The following TPTE2 variants were observed in gnomAD, a reference collection of about 807,000 sequenced individuals.
The protein encoded by TPTE2 is phosphatidylinositol 3,4,5-trisphosphate 3-phosphatase TPTE2.
TPTE2 carries 53 observed loss-of-function variants against 78.6 expected under a neutral mutation model. The observed-to-expected ratio is 0.67, with a 90% confidence interval of 0.54 to 0.85. The LOEUF (loss-of-function observed/expected upper bound fraction) is 0.85. Among genes scored for constraint, TPTE2 ranks in the 40% least tolerant of loss-of-function variants. The pLI is 0.00. For missense variants in TPTE2, 461 were observed against 623.0 expected (o/e 0.74, Z 2.77); for synonymous variants, 175 against 206.2 (o/e 0.85, Z 1.30).
chr13:19,516,432 T>A (rs2497184), intron 1 of TPTE2, among the ~76,000 whole-genome samples: 28,413 of 152,108 alleles, frequency 0.19, 3,678 homozygotes, highest in African/African-American at 0.36. Flanking sequence ...TTGGGTGTCA[T>A]CTCTAAATAT....
At chr13:19,517,047 G>A (rs1869838249) in intron 1 of TPTE2, among the ~76,000 whole-genome samples, 3 of 152,136 alleles carry the variant, frequency 2.0e-5, no homozygotes, top group African/African-American at 2.4e-5. Context: ...ATCTTTGGAC[G>A]TGAACCAGGG....
At chr13:19,451,676 A>C (rs1237757685) in intron 10 of TPTE2, among the ~76,000 whole-genome samples, 1 of 152,160 alleles carries the variant, frequency 6.6e-6, no homozygotes, top group African/African-American at 2.4e-5. Flanking sequence ...AAAAGTATAT[A>C]GCATGATTGT....
chr13:19,461,510 C>T (rs1034475342), intron 10 of TPTE2, among the ~76,000 whole-genome samples: 3 of 152,058 alleles, frequency 2.0e-5, no homozygotes, highest in Non-Finnish European at 4.4e-5. Flanking sequence ...TACAGAACAC[C>T]AGAACTTTTT....
rs1182015983 is a variant in TPTE2 at position 19,430,486 on chromosome 13, A to G, written c.1284T>C (p.Thr428=). 3.7e-6 allele frequency: 6 copies of G among 1,610,582 alleles called. No homozygotes were observed. The Admixed American group carries it at 1.0e-4, about 27-fold the overall frequency. The change falls in exon 17 of 20, where the codon ACT becomes ACC. Residue 428 remains threonine (T), a synonymous_variant. Transcript: ENST00000400230. ...CTCTTACCGAACAATTTCCTAATGA[A>G]GTACTGGAAAAGACAACCTTTTTCT... is the stretch of plus-strand genomic sequence containing the variant.
At chr13:19,507,304 T>TAAAAAAAA (rs370011146), upstream of TPTE2, among the ~76,000 whole-genome samples, 3 of 112,164 alleles carry the variant, frequency 2.7e-5, no homozygotes, top group South Asian at 3.2e-4. Context: ...CTAGCTGTTC[T>TAAAAAAAA]AAAAAAAAAA....
At chr13:19,553,879 A>T in the TPTE2 span, among the ~76,000 whole-genome samples, 13 of 152,222 alleles carry the variant, frequency 8.5e-5, no homozygotes, top group Admixed American at 6.5e-4. Flanking sequence ...GGATGTATAT[A>T]TTTGTCAAAA....
chr13:19,497,432 C>A (rs1231521198), intron 1 of TPTE2, among the ~76,000 whole-genome samples: 2 of 123,668 alleles, frequency 1.6e-5, no homozygotes, highest in East Asian at 2.4e-4. Flanking sequence ...AGTGGTTCTC[C>A]CAGCACGCAG....
At chr13:19,457,696 G>A (rs1198490741) in intron 10 of TPTE2, among the ~76,000 whole-genome samples, 1 of 152,186 alleles carries the variant, frequency 6.6e-6, no homozygotes, top group Non-Finnish European at 1.5e-5. Context: ...TGGAAAGGAT[G>A]TAATCTTGTT....
chr13:19,473,141 G>A (rs1201971613), intron 6 of TPTE2, among the ~76,000 whole-genome samples: 3 of 152,222 alleles, frequency 2.0e-5, no homozygotes, highest in Admixed American at 2.0e-4. Flanking sequence ...TACTGTGACT[G>A]CATTGGGTCA....
chr13:19,426,426 G>A (rs568086044), exon 18 of TPTE2: 44 of 1,597,582 alleles, frequency 2.8e-5, no homozygotes, highest in South Asian at 2.2e-4. Context: ...ATTACTCACC[G>A]AAGAGAAAAA....
chr13:19,490,778 A>G (rs1334740142), intron 3 of TPTE2, among the ~76,000 whole-genome samples: 1 of 152,234 alleles, frequency 6.6e-6, no homozygotes, highest in East Asian at 1.9e-4. Flanking sequence ...CGAAGAGACC[A>G]GGGGTCTATT....
the TPTE2 span, among the ~76,000 whole-genome samples, chr13:19,546,814 A>G: frequency 1.3e-5 from 2 of 152,036 alleles, no homozygotes; most frequent in Non-Finnish European, 2.9e-5. Context: ...GAAGTTAAAA[A>G]TATGGCATCA....
the TPTE2 span, among the ~76,000 whole-genome samples, chr13:19,558,677 A>G: frequency 1.3e-5 from 2 of 152,226 alleles, no homozygotes; most frequent in Non-Finnish European, 2.9e-5. Flanking sequence ...TAACAATCTT[A>G]CATTTCCCCT....
At chr13:19,432,637 CTTTT>C (rs71092355) in intron 15 of TPTE2, 59 bp from the exon 19 acceptor site, 39,230 of 649,706 alleles carry the variant, frequency 0.06, 16 homozygotes, top group South Asian at 0.08. Context: ...GTCAGCATTC[CTTTT>C]TTTTTTTTTT....
chr13:19,509,939 T>C (rs1869319972), intron 1 of TPTE2, among the ~76,000 whole-genome samples: 1 of 152,212 alleles, frequency 6.6e-6, no homozygotes. Context: ...CCTAACACCA[T>C]ATTTAAGGGT....
chr13:19,560,673 A>T, the TPTE2 span: 1 of 1,534,508 alleles, frequency 6.5e-7, no homozygotes, highest in South Asian at 1.1e-5. Flanking sequence ...TCTCAGGCTC[A>T]ACCACCATTA....
At chr13:19,548,500 T>C in the TPTE2 span, among the ~76,000 whole-genome samples, 1 of 152,072 alleles carries the variant, frequency 6.6e-6, no homozygotes, top group Non-Finnish European at 1.5e-5. Flanking sequence ...ATATTCCAGA[T>C]ACCATAGAGG....
intron 1 of TPTE2, among the ~76,000 whole-genome samples, chr13:19,497,483 TCCCTGAC>T (rs1245310126): frequency 2.2e-4 from 22 of 100,760 alleles, no homozygotes; most frequent in South Asian, 4.0e-4. Flanking sequence ...CTCAAGTGGG[TCCCTGAC>T]CCCTGACCCC....
chr13:19,460,117 G>A (rs566933793), intron 10 of TPTE2, among the ~76,000 whole-genome samples: 4 of 152,320 alleles, frequency 2.6e-5, no homozygotes, highest in South Asian at 4.1e-4. Context: ...AAAACTCCTG[G>A]GTTTCTGTGT....
Sources: allele counts gnomAD v4.1 joint callset (sites outside exome capture counted in the v4.1 genomes callset), GRCh38; gene constraint gnomAD v4.1.1; transcripts MANE v1.5; gene names NCBI Gene and HGNC (gene_info 2026-07-23, HGNC 2026-07-21).